MYO16: variants seen among roughly 807,000 people sequenced by gnomAD.
The protein encoded by MYO16 is unconventional myosin-XVI.
A neutral mutation model predicts 205.3 loss-of-function variants in MYO16; 94 were observed. That is an observed-to-expected ratio of 0.46 (90% CI 0.39 to 0.54). MYO16 has a LOEUF of 0.54. Ranked by LOEUF, MYO16 falls within the 20% of genes least tolerant of loss-of-function variation. MYO16 has a pLI of 0.00. For synonymous variants in MYO16, 988 were observed against 954.0 expected, an observed-to-expected ratio of 1.04 and a Z score of -0.66; for missense variants, 2,315 against 2,387.5, an observed-to-expected ratio of 0.97 and a Z score of 0.63.
chr13:109,173,949 G>GC (rs568811116), intron 33 of MYO16, among the ~76,000 whole-genome samples: 19 of 131,112 alleles, frequency 1.4e-4, no homozygotes, highest in African/African-American at 4.9e-4. Flanking sequence ...TGTTTTGATG[G>GC]GGGGGGGTAC....
rs182981685 is a variant in MYO16, at chr13:109,045,927, C to T, written c.2797-989C>T. The stretch of plus-strand genomic sequence containing the variant: ...CTCATGGGTGACACTCAAATGTCCA[C>T]AGGCATAACTCTTATACTCCCGCAT... On this transcript the variant is annotated intron_variant, in intron 23 of 34. Coordinates refer to ENST00000457511, the MANE Select transcript of MYO16 (RefSeq NM_001198950.3). Among the ~76,000 whole-genome samples, 543 of 152,236 alleles carry T rather than the reference C, an allele frequency of 3.6e-3. 7 individuals carry two copies. Among genetic ancestry groups the T allele is most frequent in the Non-Finnish European group, 3.6e-3 (243 of 68,020 alleles).
intron 16 of MYO16, 111 bp downstream of exon 16, chr13:108,910,261 A>G (rs921526763): frequency 8.2e-7 from 1 of 1,218,490 alleles, no homozygotes; most frequent in Non-Finnish European, 1.2e-6. Flanking sequence ...TGAGTAAAAG[A>G]TAACTGTTGG....
the MYO16 span, among the ~76,000 whole-genome samples, chr13:108,562,451 AT>A: frequency 6.6e-6 from 1 of 152,326 alleles, no homozygotes; most frequent in Non-Finnish European, 1.5e-5. Flanking sequence ...GGGATGATTC[AT>A]TTTAGAATCA....
At chr13:109,182,381 C>G (rs1034246954) in intron 34 of MYO16, among the ~76,000 whole-genome samples, 2 of 152,088 alleles carry the variant, frequency 1.3e-5, no homozygotes, top group Non-Finnish European at 2.9e-5. Context: ...GACCTGGCTC[C>G]ATGGGGTGAC....
At chr13:109,114,273 A>G (rs919086125) in intron 28 of MYO16, among the ~76,000 whole-genome samples, 1 of 152,208 alleles carries the variant, frequency 6.6e-6, no homozygotes, top group Non-Finnish European at 1.5e-5. Flanking sequence ...GAAATGCAGA[A>G]TGAATCACTG....
intron 27 of MYO16, among the ~76,000 whole-genome samples, chr13:109,063,124 T>C (rs1337084384): frequency 6.6e-6 from 1 of 152,166 alleles, no homozygotes; most frequent in Non-Finnish European, 1.5e-5. Context: ...ATAATGGACA[T>C]TTGTTGGACT....
chr13:108,962,346 A>G (rs1883621119), intron 18 of MYO16, 78 bp from the exon 19 acceptor site: 1 of 1,148,494 alleles, frequency 8.7e-7, no homozygotes, highest in Non-Finnish European at 1.3e-6. Context: ...AAACTTATCA[A>G]TTATGGCCAT....
chr13:108,746,932 A>G (rs1283852743), intron 4 of MYO16, among the ~76,000 whole-genome samples: 1 of 151,504 alleles, frequency 6.6e-6, no homozygotes, highest in African/African-American at 2.5e-5. Flanking sequence ...CCTTATTTAT[A>G]GAAGAAAAAA....
At chr13:109,018,547 T>G (rs1368325324) in intron 22 of MYO16, among the ~76,000 whole-genome samples, 1 of 152,226 alleles carries the variant, frequency 6.6e-6, no homozygotes, top group Non-Finnish European at 1.5e-5. Flanking sequence ...CGTTTAAGTC[T>G]GCAGAAGTTT....
chr13:108,556,749 G>C, the MYO16 span, among the ~76,000 whole-genome samples: 2 of 151,930 alleles, frequency 1.3e-5, no homozygotes, highest in African/African-American at 4.8e-5. Context: ...TCTTCTAGTT[G>C]CTTTATAGTT....
intron 27 of MYO16, among the ~76,000 whole-genome samples, chr13:109,097,701 C>T (rs1246036045): frequency 4.6e-5 from 7 of 152,184 alleles, no homozygotes; most frequent in Non-Finnish European, 1.0e-4. Context: ...ATATCCTTGC[C>T]TCTGGCACTG....
At chr13:108,810,306 C>A (rs1309803755) in intron 7 of MYO16, among the ~76,000 whole-genome samples, 1 of 152,124 alleles carries the variant, frequency 6.6e-6, no homozygotes, top group Non-Finnish European at 1.5e-5. Context: ...TTTGAGTTCT[C>A]CACTGTGCTA....
chr13:109,069,990 CAATT>C (rs975439781), intron 27 of MYO16, among the ~76,000 whole-genome samples: 4 of 152,126 alleles, frequency 2.6e-5, no homozygotes, highest in Non-Finnish European at 5.9e-5. Flanking sequence ...ATCTCACACA[CAATT>C]AATTTAGAAA....
intron 1 of MYO16, among the ~76,000 whole-genome samples, chr13:108,611,650 G>A (rs1464308454): frequency 6.6e-6 from 1 of 152,108 alleles, no homozygotes; most frequent in Non-Finnish European, 1.5e-5. Context: ...CATATCATGG[G>A]CTCAGATATT....
Position 109,120,473 on chromosome 13 carries a change from T to C in MYO16, c.3535+7T>C. 6.3e-7 allele frequency: 1 copy of C among 1,587,222 alleles called. No individual in the cohort carries two copies. Among genetic ancestry groups the C allele is most frequent in the Non-Finnish European group, 8.6e-7 (1 of 1,161,630 alleles). On this transcript the variant is annotated splice_region_variant and intron_variant, in intron 29 of 34. Transcript: ENST00000457511. Reference sequence around the variant, plus strand: ...ATTATAACCTGCCAAAAAGGTAACATTTATATGCCAACATTTCTGAATTTA... The same window carrying C: ...ATTATAACCTGCCAAAAAGGTAACACTTATATGCCAACATTTCTGAATTTA...
intron 8 of MYO16, among the ~76,000 whole-genome samples, chr13:108,821,617 C>T (rs1875974094): frequency 6.6e-6 from 1 of 152,140 alleles, no homozygotes. Flanking sequence ...GCTTATTTCC[C>T]AGACAAGGGA....
chr13:109,103,030 C>A (rs939727194), intron 28 of MYO16, among the ~76,000 whole-genome samples: 2 of 152,088 alleles, frequency 1.3e-5, no homozygotes, highest in Admixed American at 6.6e-5. Flanking sequence ...TCAGCTTCTT[C>A]ACGATGTAAC....
In MYO16 at chr13:109,096,636, A is replaced by ATC. The variant is rs1458812277; in HGVS notation, c.3336-4149_3336-4148insTC. On this transcript the variant is annotated intron_variant, in intron 27 of 34. Coordinates refer to ENST00000457511, the MANE Select transcript of MYO16 (RefSeq NM_001198950.3). ...ATTCAGGGCTCAAGAAATGCGACTT[A>ATC]CCATCTCCTGCTCCACAGCCCCATT... 2.0e-4 allele frequency among the ~76,000 whole-genome samples: 31 copies of ATC among 152,324 alleles called. No individual in the cohort carries two copies. The East Asian group carries it at 5.6e-3, about 27-fold the overall frequency.
intron 1 of MYO16, among the ~76,000 whole-genome samples, chr13:108,606,699 G>T (rs1594138966): frequency 6.6e-6 from 1 of 152,162 alleles, no homozygotes; most frequent in Non-Finnish European, 1.5e-5. Flanking sequence ...CCCACACAGA[G>T]TCCCCATTGG....
Sources: gnomAD v4.1 joint callset for allele counts (sites outside exome capture counted in the v4.1 genomes callset) on GRCh38, gnomAD v4.1.1 for gene constraint, MANE v1.5 for transcripts, NCBI Gene and HGNC (gene_info 2026-07-23, HGNC 2026-07-21) for gene names.